CLDN16: variants seen among roughly 807,000 people sequenced by gnomAD.
CLDN16 encodes claudin 16.
CLDN16 carries 13 observed loss-of-function variants against 24.6 expected under a neutral mutation model. The observed-to-expected ratio is 0.53, with a 90% CI of 0.34 to 0.84. The LOEUF (loss-of-function observed/expected upper bound fraction) is 0.84, where lower values mean the gene tolerates loss of function less well. Among genes scored for constraint, CLDN16 ranks in the 40% least tolerant of loss-of-function variants. CLDN16 has a pLI of 0.01. For missense variants in CLDN16, 298 were observed against 292.7 expected (o/e 1.02, Z -0.13); for synonymous variants, 116 against 106.7 (o/e 1.09, Z -0.54).
upstream of CLDN16, among the ~76,000 whole-genome samples, chr3:190,383,343 T>A (rs1051599649): frequency 2.0e-4 from 31 of 152,140 alleles, no homozygotes; most frequent in African/African-American, 6.8e-4. Context: ...CTTCAGTTCA[T>A]CTGCTCTGAA....
At chr3:190,360,339 A>G (rs867807872) in intron 1 of CLDN16, among the ~76,000 whole-genome samples, 6 of 152,078 alleles carry the variant, frequency 3.9e-5, no homozygotes, top group African/African-American at 1.4e-4. Flanking sequence ...GAGAGAAACT[A>G]GTAAAGCAAT....
intron 1 of CLDN16, among the ~76,000 whole-genome samples, chr3:190,350,203 A>C (rs1397119962): frequency 6.6e-6 from 1 of 152,146 alleles, no homozygotes; most frequent in Non-Finnish European, 1.5e-5. Flanking sequence ...AATTTGTATG[A>C]AAAAGGAACA....
At chr3:190,296,548 A>ATTTTT in the CLDN16 span, among the ~76,000 whole-genome samples, 1 of 133,704 alleles carries the variant, frequency 7.5e-6, no homozygotes, top group Non-Finnish European at 1.6e-5. Flanking sequence ...GTCAGATTTA[A>ATTTTT]TTTTTTTTTT....
chr3:190,307,775 C>G, the CLDN16 span: 2 of 152,776 alleles, frequency 1.3e-5, no homozygotes, highest in African/African-American at 2.4e-5. Context: ...GGCAAAGGCA[C>G]CCAAAGCTAA....
At chr3:190,368,410 A>T (rs1168586062) in intron 1 of CLDN16, among the ~76,000 whole-genome samples, 1 of 151,974 alleles carries the variant, frequency 6.6e-6, no homozygotes, top group African/African-American at 2.4e-5. Flanking sequence ...ACAGCTTGAG[A>T]TCCTGAGTCA....
At chr3:190,368,959 A>G (rs1035903923) in intron 1 of CLDN16, among the ~76,000 whole-genome samples, 6 of 151,992 alleles carry the variant, frequency 3.9e-5, no homozygotes, top group African/African-American at 1.2e-4. Flanking sequence ...GTTAACAAGC[A>G]TCTTAGTTTA....
chr3:190,295,490 A>G, the CLDN16 span, among the ~76,000 whole-genome samples: 1 of 152,150 alleles, frequency 6.6e-6, no homozygotes, highest in South Asian at 2.1e-4. Flanking sequence ...ACTTAAAACG[A>G]TTAAACAGCA....
the CLDN16 span, among the ~76,000 whole-genome samples, chr3:190,304,214 G>A: frequency 6.6e-6 from 1 of 152,142 alleles, no homozygotes; most frequent in South Asian, 2.1e-4. Flanking sequence ...ATGGGTCTAA[G>A]GCCTTCATTT....
chr3:190,345,622 CTT>C (rs1324454030), intron 1 of CLDN16, among the ~76,000 whole-genome samples: 1 of 152,142 alleles, frequency 6.6e-6, no homozygotes, highest in Admixed American at 6.6e-5. Flanking sequence ...TAGAAAGACT[CTT>C]TGATGAGGAA....
intron 1 of CLDN16, among the ~76,000 whole-genome samples, chr3:190,350,344 TTATATATATA>T (rs10563626): frequency 7.0e-6 from 1 of 142,034 alleles, no homozygotes; most frequent in Non-Finnish European, 1.5e-5. Context: ...GTTCATAATG[TTATATATATA>T]TATATATATA....
chr3:190,379,688 A>C (rs1560091294), intron 3 of CLDN16, among the ~76,000 whole-genome samples: 1 of 152,154 alleles, frequency 6.6e-6, no homozygotes, highest in East Asian at 1.9e-4. Context: ...CCCTGCTCCT[A>C]AGTTGTTTAT....
At chr3:190,298,376 C>CA in the CLDN16 span, among the ~76,000 whole-genome samples, 773 of 150,222 alleles carry the variant, frequency 5.1e-3, 29 homozygotes, top group South Asian at 0.083. Context: ...CACACACACA[C>CA]CTTAACAATG....
chr3:190,329,937 T>A (rs1047646447), intron 1 of CLDN16, among the ~76,000 whole-genome samples: 3 of 152,014 alleles, frequency 2.0e-5, no homozygotes, highest in Admixed American at 1.3e-4. Flanking sequence ...AAAGAAACAG[T>A]TGAAAAAGTA....
At chr3:190,308,954 T>A in the CLDN16 span, among the ~76,000 whole-genome samples, 1 of 152,178 alleles carries the variant, frequency 6.6e-6, no homozygotes, top group Non-Finnish European at 1.5e-5. Flanking sequence ...CATGAACCAT[T>A]CTGGATTAAG....
At chr3:190,392,741 A>G (rs1158276202) in intron 1 of CLDN16, among the ~76,000 whole-genome samples, 1 of 152,204 alleles carries the variant, frequency 6.6e-6, no homozygotes, top group East Asian at 1.9e-4. Context: ...GTCAAGGTAC[A>G]AGAGCGTTGT....
rs1374470548 is a variant in CLDN16, at chr3:190,363,564, A to G, written n.122-7329A>G. ...TGCGTGTGTGTGTGTGTGTATATAT[A>G]TATATATATATATATATATATATAT... On this transcript the variant is annotated intron_variant and non_coding_transcript_variant, in intron 1 of 4. Transcript: ENST00000468220. Among the ~76,000 whole-genome samples, 250 of 99,532 alleles carry G rather than the reference A, an allele frequency of 2.5e-3. 3 individuals carry two copies. Among genetic ancestry groups the G allele is most frequent in the African/African-American group, 9.8e-3 (243 of 24,820 alleles). 65.3% of individuals were successfully genotyped at this position (99,532 alleles called of 152,430 possible).
upstream of CLDN16, chr3:190,321,887 T>A: frequency 1.1e-6 from 1 of 898,450 alleles, no homozygotes; most frequent in Non-Finnish European, 1.8e-6. Flanking sequence ...AACTGAAGAC[T>A]GATAACCATG....
the CLDN16 span, among the ~76,000 whole-genome samples, chr3:190,308,826 A>C: frequency 3.3e-5 from 5 of 152,338 alleles, no homozygotes; most frequent in South Asian, 1.0e-3. Context: ...CTATAAAGAA[A>C]CTGATAGAGC....
At chr3:190,300,416 G>C in the CLDN16 span, among the ~76,000 whole-genome samples, 2 of 152,074 alleles carry the variant, frequency 1.3e-5, no homozygotes, top group African/African-American at 4.8e-5. Context: ...CAATTCTCCT[G>C]CTTTCCTATT....
Sources: gnomAD v4.1 joint callset for allele counts (sites outside exome capture counted in the v4.1 genomes callset) on GRCh38, gnomAD v4.1.1 for gene constraint, MANE v1.5 for transcripts, NCBI Gene and HGNC (gene_info 2026-07-23, HGNC 2026-07-21) for gene names.